PPP3CC: variants seen among roughly 807,000 people sequenced by gnomAD.
PPP3CC encodes protein phosphatase 3 catalytic subunit gamma, also known as serine/threonine-protein phosphatase 2B catalytic subunit gamma isoform.
Under a neutral mutation model 60.3 loss-of-function variants are expected in PPP3CC, and 35 were observed. The ratio of observed to expected loss-of-function variants is 0.58; its 90% CI spans 0.44 to 0.77. The LOEUF (loss-of-function observed/expected upper bound fraction) is 0.77, where lower values mean the gene tolerates loss of function less well. Ranked by LOEUF, PPP3CC falls within the 30% of genes least tolerant of loss-of-function variation. The probability of loss-of-function intolerance (pLI) is 0.00; values close to 1 mark genes in which losing one functional copy is unlikely to be tolerated. For synonymous variants in PPP3CC, 206 were observed against 224.3 expected (o/e 0.92, Z 0.73); for missense variants, 570 against 628.9 (o/e 0.91, Z 1.00).
intron 1 of PPP3CC, among the ~76,000 whole-genome samples, chr8:22,455,684 T>C (rs1837174907): frequency 1.3e-5 from 2 of 152,270 alleles, no homozygotes; most frequent in African/African-American, 2.4e-5. Context: ...GTGGTGGTTA[T>C]TACTTAGTTG....
chr8:22,453,066 G>A (rs940592242), intron 1 of PPP3CC, among the ~76,000 whole-genome samples: 1 of 152,172 alleles, frequency 6.6e-6, no homozygotes, highest in Non-Finnish European at 1.5e-5. Flanking sequence ...TACAGACTCT[G>A]CTGATTACCA....
intron 1 of PPP3CC, among the ~76,000 whole-genome samples, chr8:22,463,453 C>G (rs562085584): frequency 2.0e-5 from 3 of 152,270 alleles, no homozygotes; most frequent in South Asian, 4.1e-4. Context: ...TAGCCAGGAA[C>G]TTTAGATGAA....
chr8:22,514,760 A>G (rs1283611548), intron 6 of PPP3CC, among the ~76,000 whole-genome samples: 7 of 137,172 alleles, frequency 5.1e-5, no homozygotes, highest in African/African-American at 1.9e-4. Context: ...AGCTCACCGC[A>G]TCCTCCACTT....
intron 12 of PPP3CC, among the ~76,000 whole-genome samples, chr8:22,534,536 TG>T (rs1285681570): frequency 6.6e-6 from 1 of 152,204 alleles, no homozygotes; most frequent in Non-Finnish European, 1.5e-5. Flanking sequence ...AGAAAACTAC[TG>T]GGCAGTAAAG....
intron 1 of PPP3CC, among the ~76,000 whole-genome samples, chr8:22,463,419 G>A (rs774041836): frequency 3.3e-5 from 5 of 152,130 alleles, no homozygotes; most frequent in Non-Finnish European, 5.9e-5. Flanking sequence ...TCTTCCACAA[G>A]GCTCAATTCC....
At chr8:22,534,689 G>C (rs1248437540) in intron 12 of PPP3CC, among the ~76,000 whole-genome samples, 1 of 152,216 alleles carries the variant, frequency 6.6e-6, no homozygotes, top group Non-Finnish European at 1.5e-5. Context: ...AAACAACCCA[G>C]ATGTCCATCA....
At chr8:22,459,946 G>T (rs1332102492) in intron 1 of PPP3CC, among the ~76,000 whole-genome samples, 1 of 152,158 alleles carries the variant, frequency 6.6e-6, no homozygotes. Flanking sequence ...AGAAAATGAA[G>T]AGGCAAGCCA....
At chr8:22,489,094 A>G (rs1382468541) in intron 3 of PPP3CC, among the ~76,000 whole-genome samples, 1 of 151,994 alleles carries the variant, frequency 6.6e-6, no homozygotes, top group African/African-American at 2.4e-5. Flanking sequence ...TAAAACAATT[A>G]CTTTGGCTGT....
chr8:22,504,540 C>T (rs1838854233), intron 4 of PPP3CC, among the ~76,000 whole-genome samples: 1 of 152,134 alleles, frequency 6.6e-6, no homozygotes, highest in Non-Finnish European at 1.5e-5. Context: ...CCAAAGGATC[C>T]TTCCGCCTTA....
intron 4 of PPP3CC, 43 bp from the exon 5 acceptor site, chr8:22,511,043 T>C (rs1427098746): frequency 6.3e-7 from 1 of 1,595,278 alleles, no homozygotes; most frequent in Non-Finnish European, 8.6e-7. Context: ...TCAAATGTGA[T>C]ACGTTTTAGT....
In PPP3CC at chr8:22,502,140, C is replaced by G. The variant is rs145789148; in HGVS notation, c.484+4028C>G. ...AATAATGGGAGTCTCATCATACTTACAGTTTTCATCCACTGAAAGAGGAGT... is the reference window on the plus strand; with the variant it reads ...AATAATGGGAGTCTCATCATACTTAGAGTTTTCATCCACTGAAAGAGGAGT... On this transcript the variant is annotated intron_variant, in intron 4 of 13. Coordinates refer to ENST00000240139, the MANE Select transcript of PPP3CC (RefSeq NM_005605.5). 3.9e-5 allele frequency among the ~76,000 whole-genome samples: 6 copies of G among 152,296 alleles called. No individual in the cohort carries two copies. In the South Asian group the frequency reaches 8.3e-4, roughly 21 times the overall value.
At chr8:22,465,354 T>C (rs562021941) in intron 1 of PPP3CC, among the ~76,000 whole-genome samples, 1 of 152,266 alleles carries the variant, frequency 6.6e-6, no homozygotes, top group African/African-American at 2.4e-5. Flanking sequence ...GGGTGATGGG[T>C]ATACTAGAAG....
intron 1 of PPP3CC, among the ~76,000 whole-genome samples, chr8:22,470,280 C>T (rs1319016731): frequency 6.6e-6 from 1 of 151,960 alleles, no homozygotes; most frequent in Non-Finnish European, 1.5e-5. Context: ...AGCCACGATG[C>T]CTGGCCCTGC....
intron 4 of PPP3CC, among the ~76,000 whole-genome samples, chr8:22,505,747 C>T (rs1838897237): frequency 6.6e-6 from 1 of 152,164 alleles, no homozygotes; most frequent in African/African-American, 2.4e-5. Flanking sequence ...TGAACACTTA[C>T]ATGCTGAATC....
In PPP3CC at chr8:22,446,729, C is replaced by A. The variant is rs147705451; in HGVS notation, c.49+5271C>A. Among the ~76,000 whole-genome samples the A allele has an allele frequency of 3.1e-3, 418 of 134,622 alleles. 1 individual carries two copies. Among genetic ancestry groups the A allele is most frequent in the African/African-American group, 0.011 (389 of 35,222 alleles). 88.3% of individuals were successfully genotyped at this position (134,622 alleles called of 152,430 possible). ...GCTGAGGTAGGAGAATCGTTTGAAT[C>A]TGGGAGGCAGAAGTTGCAGTGAACT... On this transcript the variant is annotated intron_variant, in intron 1 of 13. Coordinates refer to ENST00000240139, the MANE Select transcript of PPP3CC (RefSeq NM_005605.5).
At chr8:22,520,787 A>T (rs980686639) in intron 6 of PPP3CC, among the ~76,000 whole-genome samples, 3 of 151,998 alleles carry the variant, frequency 2.0e-5, no homozygotes, top group African/African-American at 7.2e-5. Context: ...TTGTCATGCA[A>T]TTCATACATC....
At chr8:22,526,634 A>G (rs1236008982) in intron 8 of PPP3CC, among the ~76,000 whole-genome samples, 2 of 152,222 alleles carry the variant, frequency 1.3e-5, no homozygotes, top group African/African-American at 4.8e-5. Flanking sequence ...GTTTTATTTT[A>G]TGACCACAGA....
chr8:22,515,631 G>C (rs1839223465), intron 6 of PPP3CC, among the ~76,000 whole-genome samples: 1 of 152,144 alleles, frequency 6.6e-6, no homozygotes, highest in Non-Finnish European at 1.5e-5. Flanking sequence ...ACCAGCATTT[G>C]TCATTGCCTG....
chr8:22,465,979 C>G (rs980439776), intron 1 of PPP3CC, among the ~76,000 whole-genome samples: 3 of 152,098 alleles, frequency 2.0e-5, no homozygotes, highest in Admixed American at 6.6e-5. Flanking sequence ...TAATGCTCTC[C>G]CTCCCCCAGC....
Sources: gnomAD v4.1 joint callset for allele counts (sites outside exome capture counted in the v4.1 genomes callset) on GRCh38, gnomAD v4.1.1 for gene constraint, MANE v1.5 for transcripts, NCBI Gene and HGNC (gene_info 2026-07-23, HGNC 2026-07-21) for gene names.